The following NR5A1 variants were observed in gnomAD, a reference collection of about 807,000 sequenced individuals.
NR5A1 encodes nuclear receptor subfamily 5 group A member 1, also known as steroidogenic factor 1.
A neutral mutation model predicts 42.7 loss-of-function variants in NR5A1; 6 were observed. The ratio of observed to expected loss-of-function variants is 0.14; its 90% CI spans 0.08 to 0.28. The LOEUF is 0.28. NR5A1 is among the 10% of genes least tolerant of loss of function. The pLI, the probability that NR5A1 is intolerant of heterozygous loss-of-function variation, is 1.00. For missense variants in NR5A1, 442 were observed against 626.4 expected (o/e 0.71, Z 3.14); for synonymous variants, 274 against 277.5 (o/e 0.99, Z 0.12).
At chr9:124,489,114 C>T (rs150300181) in intron 6 of NR5A1, among the ~76,000 whole-genome samples, 222 of 152,366 alleles carry the variant, frequency 1.5e-3, no homozygotes, top group African/African-American at 5.1e-3. Context: ...CCGGCAGCCG[C>T]CAGAGCTATG....
At chr9:124,492,933 C>T in intron 5 of NR5A1, 97 bp downstream of exon 5, 1 of 1,389,296 alleles carries the variant, frequency 7.2e-7, no homozygotes, top group Non-Finnish European at 9.5e-7. Context: ...AGAGCCAGCC[C>T]CGAGAGGCCT....
At chr9:124,492,613 C>T (rs1423705121) in intron 5 of NR5A1, among the ~76,000 whole-genome samples, 2 of 152,174 alleles carry the variant, frequency 1.3e-5, no homozygotes, top group East Asian at 1.9e-4. Flanking sequence ...ATGCCACCCC[C>T]ACACCGGCAC....
At position 124,500,214 on chromosome 9, in the gene NR5A1, T is replaced by C. The variant is rs1225246400; in HGVS notation, c.746A>G (p.Gln249Arg). 3 of 1,609,308 alleles carry C rather than the reference T, an allele frequency of 1.9e-6. No individual in the cohort carries two copies. The highest frequency in any genetic ancestry group is 1.3e-5 in the African/African-American group (1 of 74,970). The change falls in exon 4 of 7, where the codon CAG becomes CGG. Residue 249 changes from glutamine to arginine, a missense_variant. Coordinates refer to ENST00000373588, the MANE Select transcript of NR5A1 (RefSeq NM_004959.5). This position sits in a 1 kb window ranked among gnomAD's most constrained non-coding sequence, Gnocchi z 6.9. ...QVRARILGCL[Q>R]EPTKSRPDQP... is the part of the protein sequence containing the mutation. ...GTCGGGGCGGCTTTTGGTGGGCTCC[T>C]GCAGGCAGCCCAAGATGCGGGCCCG... is the stretch of plus-strand genomic sequence containing the variant.
In NR5A1 at chr9:124,503,438, G is replaced by A. The variant is rs958935824; in HGVS notation, c.-15-28C>T. 4 of 1,559,946 alleles carry A rather than the reference G, an allele frequency of 2.6e-6. No homozygotes were observed. In the African/African-American group the frequency reaches 4.1e-5, roughly 16 times the overall value. ...GCGGAGGGACAGCGGGTCAGGGAGG[G>A]CCGGCGGAGACCGGCAGCCTGGGGT... is the stretch of plus-strand genomic sequence containing the variant. On this transcript the variant is annotated intron_variant, in intron 1 of 6. Transcript: ENST00000373588. This position sits in a 1 kb window ranked among gnomAD's most constrained non-coding sequence, Gnocchi z 9.6.
Position 124,503,040 on chromosome 9 carries a change from C to T in NR5A1, c.244+39G>A. 3 of 1,541,750 alleles carry T rather than the reference C, an allele frequency of 1.9e-6. No homozygotes were observed. The highest frequency in any genetic ancestry group is 2.4e-5 in the South Asian group (2 of 84,172). On this transcript the variant is annotated intron_variant, in intron 3 of 6. Transcript: ENST00000373588. The surrounding 1 kb of genome is among the most constrained non-coding windows in gnomAD (Gnocchi z 9.6). The stretch of plus-strand genomic sequence containing the variant: ...CACCCCCACCCCCTACCCCCTCAGG[C>T]TGTGGGGGGTCAGGGGTCGAGGCCC...
rs1484693467 is a variant in NR5A1, at chr9:124,482,214, G to A, written c.*544C>T. ...AACCAGTCTCCTAGTGTCCTCTAGG[G>A]CCCAATAGCCCCTCTCAATTTAGCA... is the stretch of plus-strand genomic sequence containing the variant. On this transcript the variant is annotated 3_prime_UTR_variant, in exon 7 of 7. Coordinates refer to ENST00000373588, the MANE Select transcript of NR5A1 (RefSeq NM_004959.5). The A allele has an allele frequency of 5.1e-6, 1 of 196,018 alleles. No individual in the cohort carries two copies. The highest frequency in any genetic ancestry group is 1.1e-5 in the Non-Finnish European group (1 of 94,602). The allele number at this position is 196,018 out of a possible 1,614,324, so 12.1% of individuals were successfully genotyped here.
rs764778183 is a variant in NR5A1, at chr9:124,482,048, C to T, written c.*710G>A. On this transcript the variant is annotated 3_prime_UTR_variant, in exon 7 of 7. Transcript: ENST00000373588. ...CCACCTCTGGGTGGGGCTAGGATGT[C>T]GATTGTACCAAACGTTCTCCTTGGG... 1.3e-5 allele frequency: 2 copies of T among 153,034 alleles called. No individual in the cohort carries two copies. Among genetic ancestry groups the T allele is most frequent in the Admixed American group, 6.5e-5 (1 of 15,432 alleles). 9.5% of individuals were successfully genotyped at this position (153,034 alleles called of 1,614,324 possible).
At chr9:124,483,314 A>T (rs924594350) in intron 6 of NR5A1, among the ~76,000 whole-genome samples, 7 of 152,192 alleles carry the variant, frequency 4.6e-5, no homozygotes, top group Admixed American at 2.6e-4. Flanking sequence ...TGCCATCATC[A>T]TCACCACAGT....
chr9:124,506,802 G>A (rs888662860), intron 1 of NR5A1, among the ~76,000 whole-genome samples: 11 of 152,178 alleles, frequency 7.2e-5, no homozygotes, highest in African/African-American at 2.7e-4. Context: ...GCCTAGACCT[G>A]GCCCGGCCGC....
intron 4 of NR5A1, among the ~76,000 whole-genome samples, chr9:124,495,217 G>A (rs1832372644): frequency 6.6e-6 from 1 of 152,218 alleles, no homozygotes; most frequent in East Asian, 1.9e-4. Flanking sequence ...TGACTGGGAG[G>A]GTCCCGGAGA....
At chr9:124,490,115 C>G (rs1023289617) in intron 6 of NR5A1, among the ~76,000 whole-genome samples, 2 of 152,184 alleles carry the variant, frequency 1.3e-5, no homozygotes, top group African/African-American at 4.8e-5. Context: ...CTATCCCATC[C>G]CACCTGCATC....
Position 124,501,119 on chromosome 9 carries a change from G to T in NR5A1, c.245-404C>A. On this transcript the variant is annotated intron_variant, in intron 3 of 6. Coordinates refer to ENST00000373588, the MANE Select transcript of NR5A1 (RefSeq NM_004959.5). The surrounding 1 kb of genome is among the most constrained non-coding windows in gnomAD (Gnocchi z 4.1). ...AACGGGCTCTACTGTCCTTGCCCCA[G>T]GTGCCCTGTCCTTGCCCACTCTTAT... 2 of 482,010 alleles carry T rather than the reference G, an allele frequency of 4.1e-6. No homozygotes were observed. Among genetic ancestry groups the T allele is most frequent in the Non-Finnish European group, 8.3e-6 (2 of 241,800 alleles). The allele number at this position is 482,010 out of a possible 1,614,324, so 29.9% of individuals were successfully genotyped here. A position where few individuals can be genotyped will look rare whatever the true frequency, so the allele number is the denominator to read the frequency against.
chr9:124,499,420 A>C (rs1407249418), intron 4 of NR5A1, among the ~76,000 whole-genome samples: 3 of 152,162 alleles, frequency 2.0e-5, no homozygotes, highest in African/African-American at 7.2e-5. Context: ...CCACCTACCT[A>C]TCTAGCTTCC....
intron 6 of NR5A1, among the ~76,000 whole-genome samples, chr9:124,489,821 G>C (rs1327340216): frequency 6.7e-6 from 1 of 148,714 alleles, no homozygotes; most frequent in African/African-American, 2.5e-5. Flanking sequence ...GGTGGCTTAA[G>C]GTGGCCTTGC....
chr9:124,492,243 C>A (rs1199223832), intron 5 of NR5A1, among the ~76,000 whole-genome samples: 1 of 149,688 alleles, frequency 6.7e-6, no homozygotes. Context: ...CTCTGCCTCC[C>A]CCCCTCCCTC....
chr9:124,486,758 A>ACGG (rs1361620343), intron 6 of NR5A1, among the ~76,000 whole-genome samples: 1 of 152,174 alleles, frequency 6.6e-6, no homozygotes, highest in Non-Finnish European at 1.5e-5. Context: ...AACACATGTG[A>ACGG]CGGTGCCAGC....
Position 124,496,496 on chromosome 9 carries a change from G to A in NR5A1, c.871-3347C>T, listed in dbSNP as rs535829699. On this transcript the variant is annotated intron_variant, in intron 4 of 6. Transcript: ENST00000373588. The surrounding 1 kb of genome is among the most constrained non-coding windows in gnomAD (Gnocchi z 5.0). Reference sequence around the variant, plus strand: ...CCACAAATCTTCCTGGAGCCTTGACGCTCTGCAGGCTGCCTCAGAGACCCG... The same window carrying A: ...CCACAAATCTTCCTGGAGCCTTGACACTCTGCAGGCTGCCTCAGAGACCCG... Among the ~76,000 whole-genome samples the A allele has an allele frequency of 2.9e-3, 442 of 152,176 alleles. 2 individuals carry two copies. Among genetic ancestry groups the A allele is most frequent in the African/African-American group, 9.6e-3 (399 of 41,496 alleles).
Position 124,501,055 on chromosome 9 carries a change from A to G in NR5A1, c.245-340T>C. ...TTGTGCTTGCTGAACACCCAGCCTCAATGTCACTACTTCCAGGAAGCACTC... is the reference window on the plus strand; with the variant it reads ...TTGTGCTTGCTGAACACCCAGCCTCGATGTCACTACTTCCAGGAAGCACTC... On this transcript the variant is annotated intron_variant, in intron 3 of 6. Coordinates refer to ENST00000373588, the MANE Select transcript of NR5A1 (RefSeq NM_004959.5). The surrounding 1 kb of genome is among the most constrained non-coding windows in gnomAD (Gnocchi z 4.1). 1 of 585,996 alleles carries G rather than the reference A, an allele frequency of 1.7e-6. No homozygotes were observed. The highest frequency in any genetic ancestry group is 3.3e-6 in the Non-Finnish European group (1 of 302,244). The allele number at this position is 585,996 out of a possible 1,614,324, so 36.3% of individuals were successfully genotyped here.
intron 6 of NR5A1, among the ~76,000 whole-genome samples, chr9:124,485,045 G>A (rs115999938): frequency 0.014 from 2,089 of 152,202 alleles, 62 homozygotes; most frequent in African/African-American, 0.048. Context: ...TACCTGCCCC[G>A]CCCCGACTTG....
Sources: allele counts gnomAD v4.1 joint callset (sites outside exome capture counted in the v4.1 genomes callset), GRCh38; gene constraint gnomAD v4.1.1; non-coding constraint Gnocchi (gnomAD v3.1); transcripts MANE v1.5; gene names NCBI Gene and HGNC (gene_info 2026-07-23, HGNC 2026-07-21).